Variants in MGMT observed in about 807,000 individuals in gnomAD.
MGMT encodes O-6-methylguanine-DNA methyltransferase.
A neutral mutation model predicts 15.9 loss-of-function variants in MGMT; 14 were observed. The observed-to-expected ratio is 0.88, with a 90% CI of 0.58 to 1.37. MGMT has a LOEUF of 1.37. MGMT is among the 40% of genes most tolerant of loss of function. MGMT has a pLI of 0.00. For missense variants in MGMT, 282 were observed against 268.1 expected, an observed-to-expected ratio of 1.05 and a Z score of -0.36; for synonymous variants, 130 against 118.2, an observed-to-expected ratio of 1.10 and a Z score of -0.65.
intron 3 of MGMT, among the ~76,000 whole-genome samples, chr10:129,723,527 TA>T (rs781330860): frequency 6.6e-6 from 1 of 151,782 alleles, no homozygotes; most frequent in Non-Finnish European, 1.5e-5. Context: ...AACACCAAAA[TA>T]AAAAACAATG....
At position 129,535,055 on chromosome 10, in the gene MGMT, T is replaced by TGTAATTAGA. The variant is rs1288056153; in HGVS notation, c.-12-1185_-12-1184insTAATTAGAG. ...AAAGACAGGTGCAGTGAGTGAGCTT[T>TGTAATTAGA]GCCCCACAGGCTCTAATTTGTTGCC... On this transcript the variant is annotated intron_variant, in intron 1 of 4. Coordinates refer to ENST00000651593, the MANE Select transcript of MGMT (RefSeq NM_002412.5). Among the ~76,000 whole-genome samples the TGTAATTAGA allele has an allele frequency of 5.3e-5, 8 of 152,218 alleles. 1 individual carries two copies. Among genetic ancestry groups the TGTAATTAGA allele is most frequent in the African/African-American group, 1.9e-4 (8 of 41,464 alleles).
intron 2 of MGMT, among the ~76,000 whole-genome samples, chr10:129,595,273 G>C (rs1357648292): frequency 6.6e-6 from 1 of 152,162 alleles, no homozygotes; most frequent in Non-Finnish European, 1.5e-5. Flanking sequence ...CCATCAGTGG[G>C]CATCTCGATG....
chr10:129,562,032 TA>T (rs1033183492), intron 2 of MGMT, among the ~76,000 whole-genome samples: 4 of 152,154 alleles, frequency 2.6e-5, no homozygotes, highest in African/African-American at 9.7e-5. Context: ...AGCATGCAGA[TA>T]AAAGGCTAGG....
At chr10:129,654,633 G>A (rs1192598884) in intron 2 of MGMT, among the ~76,000 whole-genome samples, 3 of 152,102 alleles carry the variant, frequency 2.0e-5, no homozygotes, top group Non-Finnish European at 4.4e-5. Flanking sequence ...GGAGCACAGG[G>A]CCTGTATGGG....
At chr10:129,624,649 T>C (rs548773403) in intron 2 of MGMT, among the ~76,000 whole-genome samples, 1 of 152,022 alleles carries the variant, frequency 6.6e-6, no homozygotes, top group African/African-American at 2.4e-5. Context: ...AAAGGATGAA[T>C]AACAGGTGAG....
chr10:129,540,621 A>G (rs1057496592), intron 2 of MGMT, among the ~76,000 whole-genome samples: 1 of 152,216 alleles, frequency 6.6e-6, no homozygotes, highest in African/African-American at 2.4e-5. Context: ...AAATTTTTAG[A>G]ATTTTAAACC....
chr10:129,599,548 T>C (rs757801499), intron 2 of MGMT, among the ~76,000 whole-genome samples: 1 of 152,198 alleles, frequency 6.6e-6, no homozygotes, highest in Admixed American at 6.5e-5. Flanking sequence ...TCACCTAATA[T>C]TCTAAGATGT....
chr10:129,681,844 CAG>C (rs1194062510), intron 2 of MGMT, among the ~76,000 whole-genome samples: 1 of 152,176 alleles, frequency 6.6e-6, no homozygotes. Flanking sequence ...CCATATCTGA[CAG>C]AGGAGTTGTA....
chr10:129,489,151 G>T (rs1047156555), intron 1 of MGMT, among the ~76,000 whole-genome samples: 1 of 151,992 alleles, frequency 6.6e-6, no homozygotes, highest in Non-Finnish European at 1.5e-5. Flanking sequence ...ATGAGTTCAG[G>T]AGTTTGAGAC....
intron 2 of MGMT, among the ~76,000 whole-genome samples, chr10:129,613,342 A>G (rs183918364): frequency 7.2e-5 from 11 of 152,260 alleles, no homozygotes; most frequent in African/African-American, 2.4e-4. Flanking sequence ...CTTGATCCAC[A>G]TTTTGCCTGT....
chr10:129,684,863 A>T (rs1847888326), intron 2 of MGMT, among the ~76,000 whole-genome samples: 1 of 152,234 alleles, frequency 6.6e-6, no homozygotes, highest in Admixed American at 6.5e-5. Flanking sequence ...GGATTTGTAA[A>T]AATTGCAGTT....
intron 2 of MGMT, among the ~76,000 whole-genome samples, chr10:129,676,741 G>A (rs1847790594): frequency 6.6e-6 from 1 of 152,128 alleles, no homozygotes; most frequent in Non-Finnish European, 1.5e-5. Context: ...CTATCTCATT[G>A]GGAATTTCTT....
At chr10:129,658,007 C>T (rs778637535) in intron 2 of MGMT, among the ~76,000 whole-genome samples, 2 of 152,128 alleles carry the variant, frequency 1.3e-5, no homozygotes, top group Non-Finnish European at 2.9e-5. Flanking sequence ...TAGTTCTCCC[C>T]CATCCCCCAA....
intron 1 of MGMT, among the ~76,000 whole-genome samples, chr10:129,477,215 C>T (rs374388794): frequency 1.3e-5 from 2 of 152,224 alleles, no homozygotes; most frequent in Non-Finnish European, 2.9e-5. Context: ...ACTCTCACTT[C>T]TTCCAGAAGC....
At chr10:129,675,084 C>A (rs1847768872) in intron 2 of MGMT, among the ~76,000 whole-genome samples, 1 of 152,158 alleles carries the variant, frequency 6.6e-6, no homozygotes, top group Admixed American at 6.5e-5. Flanking sequence ...TGAAGAAGGA[C>A]CCCACCTTGC....
intron 2 of MGMT, among the ~76,000 whole-genome samples, chr10:129,678,355 G>C (rs1847809238): frequency 6.6e-6 from 1 of 152,008 alleles, no homozygotes; most frequent in African/African-American, 2.4e-5. Context: ...CCGCTGCCCT[G>C]GCTGGGTTTC....
chr10:129,627,018 C>A (rs893554325), intron 2 of MGMT, among the ~76,000 whole-genome samples: 37 of 152,288 alleles, frequency 2.4e-4, no homozygotes, highest in Non-Finnish European at 4.3e-4. Context: ...AGCTGCCACC[C>A]GCCGTGTCCC....
At chr10:129,641,581 C>T (rs1486573250) in intron 2 of MGMT, among the ~76,000 whole-genome samples, 3 of 152,094 alleles carry the variant, frequency 2.0e-5, no homozygotes, top group African/African-American at 4.8e-5. Flanking sequence ...TCTTTTAGTT[C>T]GTATTTCACA....
rs905245139 is a variant in MGMT, at chr10:129,733,702, T to G, written c.275-25500T>G. ...TTTTTTATGGTTTTAGGTCTAACGT[T>G]TAAGTCTTTAATCCATCTTGAATTG... On this transcript the variant is annotated intron_variant, in intron 3 of 4. Transcript: ENST00000651593. Among the ~76,000 whole-genome samples the G allele has an allele frequency of 4.4e-3, 672 of 152,214 alleles. 5 individuals carry two copies. Among genetic ancestry groups the G allele is most frequent in the Non-Finnish European group, 7.1e-3 (483 of 67,950 alleles).
Sources: gnomAD v4.1 joint callset for allele counts (sites outside exome capture counted in the v4.1 genomes callset) on GRCh38, gnomAD v4.1.1 for gene constraint, MANE v1.5 for transcripts, NCBI Gene and HGNC (gene_info 2026-07-23, HGNC 2026-07-21) for gene names.